Variants in GABRE observed in about 807,000 individuals in gnomAD.
GABRE encodes gamma-aminobutyric acid receptor subunit epsilon.
A neutral mutation model predicts 31.0 loss-of-function variants in GABRE; 20 were observed. That is an observed-to-expected ratio of 0.64 (90% CI 0.45 to 0.94). The LOEUF is 0.94. Among genes scored for constraint, GABRE ranks in the 40% least tolerant of loss-of-function variants. GABRE has a pLI of 0.00. For missense variants in GABRE, 420 were observed against 410.7 expected, an observed-to-expected ratio of 1.02 and a Z score of -0.20; for synonymous variants, 155 against 150.6, an observed-to-expected ratio of 1.03 and a Z score of -0.21.
intron 1 of GABRE, chrX:151,971,201 C>A: frequency 1.7e-6 from 1 of 582,479 alleles, no homozygotes; most frequent in Non-Finnish European, 2.5e-6. Flanking sequence ...AAGGGGGCTT[C>A]TGAGGTCCTG....
intron 1 of GABRE, chrX:151,971,907 GTGTGTGGTGA>G (rs1934716101): frequency 1.1e-5 from 1 of 90,715 alleles, no homozygotes; most frequent in Non-Finnish European, 2.0e-5. Context: ...GTGTGTGTGT[GTGTGTGGTGA>G]GGGGGTTGCA....
At chrX:151,969,781 G>A (rs371193652) in intron 2 of GABRE, 45 bp from the exon 3 acceptor site, 20 of 1,197,325 alleles carry the variant, frequency 1.7e-5, no homozygotes, top group Non-Finnish European at 2.0e-5. Context: ...TCAAACAGGC[G>A]CATGGGACGG....
In GABRE at chrX:151,973,949, G is replaced by A. The variant is rs187848448; in HGVS notation, c.56+621C>T. On this transcript the variant is annotated intron_variant, in intron 1 of 8. Transcript: ENST00000370328. ...TCAGCGGTGGAGAGGGGGCATAGCT[G>A]GTGCGGGAACCCTTAGACTAAACCA... Among the ~76,000 whole-genome samples the A allele has an allele frequency of 1.1e-3, 125 of 111,202 alleles. 1 individual carries two copies. Among genetic ancestry groups the A allele is most frequent in the East Asian group, 8.6e-4 (3 of 3,505 alleles).
In GABRE at chrX:151,970,271, C is replaced by T. The variant is rs1048510706; in HGVS notation, c.188G>A (p.Ser63Asn). 3.3e-6 allele frequency: 4 copies of T among 1,212,217 alleles called. No homozygotes were observed. The Admixed American group carries it at 8.7e-5, about 26-fold the overall frequency. The change falls in exon 2 of 9, where the codon AGC (serine) becomes AAC (asparagine). Residue 63 changes from serine to asparagine, a missense_variant. Ser to Asn is a conservative substitution (Grantham distance 46). Transcript: ENST00000370328. ...ETKSTETETG[S>N]RVGKLPEASR... is the part of the protein sequence containing the mutation. Reference sequence around the variant, plus strand: ...GGCTTCTGGCAGTTTGCCAACTCTGCTCCCAGTCTCAGTCTCAGTTGACTT... The same window carrying T: ...GGCTTCTGGCAGTTTGCCAACTCTGTTCCCAGTCTCAGTCTCAGTTGACTT...
intron 3 of GABRE, chrX:151,969,322 G>C (rs1934614677): frequency 7.3e-6 from 1 of 137,701 alleles, no homozygotes; most frequent in African/African-American, 3.1e-5. Flanking sequence ...CAAAAATATA[G>C]AACAGTCTTA....
intron 1 of GABRE, among the ~76,000 whole-genome samples, chrX:151,974,084 G>T (rs1934813647): frequency 9.0e-6 from 1 of 111,313 alleles, no homozygotes; most frequent in South Asian, 3.9e-4. Flanking sequence ...TAAAAAAAAT[G>T]TGAGCAGCAG....
chrX:151,959,402 C>T, intron 6 of GABRE: 1 of 256,614 alleles, frequency 3.9e-6, no homozygotes, highest in Non-Finnish European at 7.4e-6. Flanking sequence ...AACTAGCTGA[C>T]ATTAGAACTC....
rs1727776661 is a variant in GABRE at position 151,954,888 on chromosome X, G to T, written c.1334C>A (p.Ala445Asp). 8.3e-7 allele frequency: 1 copy of T among 1,209,727 alleles called. No homozygotes were observed. Among genetic ancestry groups the T allele is most frequent in the Admixed American group, 2.2e-5 (1 of 45,802 alleles). The change falls in exon 9 of 9, where the codon GCC becomes GAC. Residue 445 changes from alanine (A) to aspartate (D), a missense_variant. Transcript: ENST00000370328. ...EGPRSLCSKL[A>D]CCEWCKRFKK... ...AAAACGCTTGCACCACTCACAGCAG[G>T]CCAGCTTGGAGCAGAGGCTGCGGGG...
intron 1 of GABRE, among the ~76,000 whole-genome samples, chrX:151,970,871 C>T (rs935807565): frequency 9.0e-6 from 1 of 110,726 alleles, no homozygotes; most frequent in Non-Finnish European, 1.9e-5. Context: ...GAATATTTTG[C>T]GGTTTTGTTG....
At chrX:151,959,484 A>G in intron 6 of GABRE, 4 of 334,850 alleles carry the variant, frequency 1.2e-5, no homozygotes, top group South Asian at 1.2e-4. Flanking sequence ...GGGTATGGAG[A>G]ACTCACACGA....
At chrX:151,972,556 A>T in intron 1 of GABRE, 1 of 753,838 alleles carries the variant, frequency 1.3e-6, no homozygotes, top group Non-Finnish European at 1.6e-6. Context: ...CATGGACGAG[A>T]TCCTCCCCGC....
intron 1 of GABRE, chrX:151,971,005 G>C: frequency 3.2e-6 from 2 of 630,822 alleles, no homozygotes; most frequent in African/African-American, 2.4e-5. Context: ...CAGCCATCCA[G>C]GAACTGGCTG....
rs1330089096 is a variant in GABRE at position 151,954,482 on chromosome X, A to C, written c.*219T>G. 1 of 358,472 alleles carries C rather than the reference A, an allele frequency of 2.8e-6. No individual in the cohort carries two copies. The highest frequency in any genetic ancestry group is 2.6e-5 in the African/African-American group (1 of 38,181). 29.5% of individuals were successfully genotyped at this position (358,472 alleles called of 1,213,427 possible). A position where few individuals can be genotyped will look rare whatever the true frequency, so the allele number is the denominator to read the frequency against. On this transcript the variant is annotated 3_prime_UTR_variant, in exon 9 of 9. Coordinates refer to ENST00000370328, the MANE Select transcript of GABRE (RefSeq NM_004961.4). ...AGAAGAGGGAGGTGGCCCATTTATT[A>C]ATAATTTGAAATGGTCTGCTGAGAA... is the stretch of plus-strand genomic sequence containing the variant.
intron 3 of GABRE, among the ~76,000 whole-genome samples, chrX:151,968,708 T>G (rs777425531): frequency 1.8e-5 from 2 of 111,964 alleles, no homozygotes; most frequent in Admixed American, 9.5e-5. Context: ...CAAGTGATTC[T>G]TGCAGAGCAT....
rs1477976276 is a variant in GABRE at position 151,962,610 on chromosome X, A to T, written c.376T>A (p.Trp126Arg). 8.3e-7 allele frequency: 1 copy of T among 1,208,642 alleles called. No individual in the cohort carries two copies. Among genetic ancestry groups the T allele is most frequent in the Admixed American group, 2.2e-5 (1 of 45,745 alleles). ...YTIDIIFSQT[W>R]YDERLCYNDT... ...TTGTAACAGAGGCGTTCGTCGTACC[A>T]GGTCTGGGAGAAGATGATGTCAATG... The change falls in exon 4 of 9, where the codon TGG (tryptophan) becomes AGG (arginine). Residue 126 changes from tryptophan (W) to arginine (R), a missense_variant. By Grantham distance (101) the Trp-to-Arg change is moderately radical (BLOSUM62 -3). Transcript: ENST00000370328.
chrX:151,964,996 C>T (rs939991991), intron 3 of GABRE, among the ~76,000 whole-genome samples: 1 of 111,300 alleles, frequency 9.0e-6, no homozygotes, highest in Non-Finnish European at 1.9e-5. Flanking sequence ...ACTAAAAATA[C>T]AAAAATTAGC....
intron 4 of GABRE, among the ~76,000 whole-genome samples, chrX:151,961,912 C>T (rs1242548225): frequency 1.8e-5 from 2 of 112,193 alleles, no homozygotes; most frequent in African/African-American, 6.5e-5. Flanking sequence ...TATGGAGCAA[C>T]TTCGATCGGC....
intron 1 of GABRE, among the ~76,000 whole-genome samples, chrX:151,973,231 T>C (rs1250990599): frequency 2.7e-5 from 3 of 110,454 alleles, no homozygotes; most frequent in Non-Finnish European, 5.7e-5. Flanking sequence ...CAGGTTGCTA[T>C]GCTTGAAGGG....
intron 2 of GABRE, 121 bp downstream of exon 2, chrX:151,970,064 A>G: frequency 2.6e-6 from 3 of 1,140,397 alleles, no homozygotes; most frequent in South Asian, 4.3e-5. Context: ...TGACAGGTCA[A>G]TAGCAGATGT....
Sources: gnomAD v4.1 joint callset for allele counts (sites outside exome capture counted in the v4.1 genomes callset) on GRCh38, gnomAD v4.1.1 for gene constraint, MANE v1.5 for transcripts, NCBI Gene and HGNC (gene_info 2026-07-23, HGNC 2026-07-21) for gene names.